ATP9B: variants seen among roughly 807,000 people sequenced by gnomAD.
ATP9B encodes ATPase phospholipid transporting 9B, also known as probable phospholipid-transporting ATPase IIB.
In ATP9B, 110 loss-of-function variants were observed where a neutral mutation model predicts 146.1. That is an observed-to-expected ratio of 0.75 (90% CI 0.65 to 0.88). ATP9B has a LOEUF of 0.88. Among genes scored for constraint, ATP9B ranks in the 40% least tolerant of loss-of-function variants. The pLI is 0.00. For synonymous variants in ATP9B, 604 were observed against 569.7 expected, an observed-to-expected ratio of 1.06 and a Z score of -0.86; for missense variants, 1,499 against 1,496.4, an observed-to-expected ratio of 1.00 and a Z score of -0.03.
intron 11 of ATP9B, among the ~76,000 whole-genome samples, chr18:79,227,412 T>C (rs1035501826): frequency 1.9e-3 from 4 of 2,128 alleles, no homozygotes; most frequent in Non-Finnish European, 9.8e-4. Context: ...GATGGATGGG[T>C]GGGCGGGTGG....
chr18:79,346,025 G>A (rs963272293), intron 23 of ATP9B, among the ~76,000 whole-genome samples, 186 bp downstream of exon 23: 7 of 151,894 alleles, frequency 4.6e-5, no homozygotes, highest in East Asian at 3.9e-4. Flanking sequence ...CGTGCTCAGC[G>A]CACAGTCAGC....
chr18:79,081,882 G>C (rs2073301059), intron 1 of ATP9B, among the ~76,000 whole-genome samples: 1 of 151,938 alleles, frequency 6.6e-6, no homozygotes, highest in Non-Finnish European at 1.5e-5. Flanking sequence ...ACGATTATGT[G>C]TCTTGGGGTT....
chr18:79,239,769 T>G lies in ATP9B; in HGVS notation c.1108-13612T>G, dbSNP rs148552574. On this transcript the variant is annotated intron_variant, in intron 11 of 29. Transcript: ENST00000426216. This position sits in a 1 kb window ranked among gnomAD's most constrained non-coding sequence, Gnocchi z 5.1. ...GGAGTAATGTGTTTTCTCACCTTGC[T>G]GTTTTCTCGAGAGCATTGTTTTGTG... 6.6e-6 allele frequency among the ~76,000 whole-genome samples: 1 copy of G among 152,234 alleles called. No homozygotes were observed. The highest frequency in any genetic ancestry group is 2.4e-5 in the African/African-American group (1 of 41,468).
chr18:79,121,990 G>A (rs1329754879), intron 4 of ATP9B, among the ~76,000 whole-genome samples: 1 of 152,046 alleles, frequency 6.6e-6, no homozygotes, highest in Non-Finnish European at 1.5e-5. Context: ...AACTTTTGCT[G>A]TCTTTAAGCC....
At chr18:79,303,027 C>G (rs1241311862) in intron 13 of ATP9B, among the ~76,000 whole-genome samples, 2 of 152,148 alleles carry the variant, frequency 1.3e-5, no homozygotes, top group East Asian at 1.9e-4. Context: ...CAGATCTGAG[C>G]TGAAAGGCAA....
intron 6 of ATP9B, among the ~76,000 whole-genome samples, chr18:79,151,707 T>C (rs1160199839): frequency 2.0e-5 from 3 of 151,908 alleles, no homozygotes; most frequent in African/African-American, 7.3e-5. Context: ...AATTAGCATT[T>C]CTGATATGTA....
At chr18:79,349,458 C>T (rs758122390) in intron 25 of ATP9B, among the ~76,000 whole-genome samples, 3 of 152,188 alleles carry the variant, frequency 2.0e-5, no homozygotes, top group African/African-American at 4.8e-5. Context: ...GGGCTGGCGC[C>T]GGGTGCTGCT....
At chr18:79,148,416 G>A (rs1018821602) in intron 6 of ATP9B, among the ~76,000 whole-genome samples, 1 of 152,134 alleles carries the variant, frequency 6.6e-6, no homozygotes, top group Non-Finnish European at 1.5e-5. Context: ...CCCAGTACAG[G>A]TTATTCCAGG....
At position 79,217,367 on chromosome 18, in the gene ATP9B, T is replaced by G. The variant is rs191302052; in HGVS notation, c.1107+3329T>G. 3.9e-5 allele frequency among the ~76,000 whole-genome samples: 6 copies of G among 152,166 alleles called. No individual in the cohort carries two copies. In the East Asian group the frequency reaches 1.2e-3, roughly 30 times the overall value. On this transcript the variant is annotated intron_variant, in intron 11 of 29. Transcript: ENST00000426216. ...GCCTGGCTAATTTTTTGTATTTTTA[T>G]TAGAGACAGGGTTTCACCTTGTTAG...
chr18:79,167,368 G>C (rs1316010442), intron 7 of ATP9B, among the ~76,000 whole-genome samples: 1 of 152,182 alleles, frequency 6.6e-6, no homozygotes, highest in Non-Finnish European at 1.5e-5. Flanking sequence ...TAAGTGGGTA[G>C]CTCCTCTCCA....
At chr18:79,364,695 G>A (rs2097015866) in intron 26 of ATP9B, among the ~76,000 whole-genome samples, 2 of 152,222 alleles carry the variant, frequency 1.3e-5, no homozygotes, top group African/African-American at 4.8e-5. Flanking sequence ...GATCCTTAAA[G>A]GAAAAAAATA....
intron 7 of ATP9B, among the ~76,000 whole-genome samples, chr18:79,154,942 TG>T (rs2094751623): frequency 6.6e-6 from 1 of 152,252 alleles, no homozygotes; most frequent in South Asian, 2.1e-4. Flanking sequence ...GGGTGTTTGC[TG>T]TGAAATATAT....
chr18:79,331,712 TA>T (rs1163858163), intron 17 of ATP9B, among the ~76,000 whole-genome samples: 62 of 143,782 alleles, frequency 4.3e-4, no homozygotes, highest in Admixed American at 8.3e-4. Context: ...GTCAAATGTT[TA>T]AAAAAAAAAA....
At chr18:79,306,891 T>C in intron 14 of ATP9B, 95 bp from the exon 15 acceptor site, 3 of 1,396,890 alleles carry the variant, frequency 2.1e-6, no homozygotes, top group Non-Finnish European at 2.9e-6. Flanking sequence ...TTCTAGCTAC[T>C]TTGCTTGTAA....
At chr18:79,138,912 A>G (rs1431703792) in intron 5 of ATP9B, among the ~76,000 whole-genome samples, 1 of 152,094 alleles carries the variant, frequency 6.6e-6, no homozygotes, top group Non-Finnish European at 1.5e-5. Context: ...TACAAAAAAT[A>G]CAAAAATTAG....
At chr18:79,191,324 G>A (rs1454894514) in intron 8 of ATP9B, among the ~76,000 whole-genome samples, 4 of 151,904 alleles carry the variant, frequency 2.6e-5, no homozygotes, top group Non-Finnish European at 5.9e-5. Flanking sequence ...ATGTGTTTAG[G>A]GGTTTTCTGG....
chr18:79,233,796 G>A lies in ATP9B; in HGVS notation c.1108-19585G>A, dbSNP rs572386562. On this transcript the variant is annotated intron_variant, in intron 11 of 29. Transcript: ENST00000426216. ...ACTAATCACCTACTGTTGACTGGAA[G>A]CCTTACCAGTAACACAGACCGTCAA... Among the ~76,000 whole-genome samples the A allele has an allele frequency of 5.3e-5, 8 of 152,316 alleles. No homozygotes were observed. The East Asian group carries it at 7.7e-4, about 15-fold the overall frequency.
At chr18:79,076,925 A>G (rs117852905) in intron 1 of ATP9B, among the ~76,000 whole-genome samples, 533 of 151,976 alleles carry the variant, frequency 3.5e-3, no homozygotes, top group South Asian at 8.5e-3. Context: ...TTTACTGTTG[A>G]GCCCATCCAT....
At chr18:79,368,489 C>T (rs1425417489) in intron 26 of ATP9B, among the ~76,000 whole-genome samples, 8 of 152,196 alleles carry the variant, frequency 5.3e-5, no homozygotes, top group Non-Finnish European at 8.8e-5. Context: ...GGCCCAGTTG[C>T]GAGCACTCTG....
Sources: gnomAD v4.1 joint callset for allele counts (sites outside exome capture counted in the v4.1 genomes callset) on GRCh38, gnomAD v4.1.1 for gene constraint, Gnocchi (gnomAD v3.1) non-coding constraint, MANE v1.5 for transcripts, NCBI Gene and HGNC (gene_info 2026-07-23, HGNC 2026-07-21) for gene names.